The following C6 variants were observed in gnomAD, a reference collection of about 807,000 sequenced individuals.
The protein encoded by C6 is complement C6.
Under a neutral mutation model 112.9 loss-of-function variants are expected in C6, and 101 were observed. The observed-to-expected ratio is 0.89, with a 90% CI of 0.76 to 1.06. The LOEUF (loss-of-function observed/expected upper bound fraction) is 1.06, where lower values mean the gene tolerates loss of function less well. Among genes scored for constraint, C6 ranks in the 50% least tolerant of loss-of-function variants. C6 has a pLI of 0.00. For synonymous variants in C6, 431 were observed against 384.1 expected, an observed-to-expected ratio of 1.12 and a Z score of -1.43; for missense variants, 1,202 against 1,104.6, an observed-to-expected ratio of 1.09 and a Z score of -1.25.
intron 1 of C6, among the ~76,000 whole-genome samples, chr5:41,209,331 C>T (rs1388885369): frequency 6.6e-6 from 1 of 152,186 alleles, no homozygotes; most frequent in African/African-American, 2.4e-5. Flanking sequence ...TTCCCTCTTT[C>T]ACCACCCCTA....
At chr5:41,229,769 T>TG (rs1402262698) in intron 1 of C6, among the ~76,000 whole-genome samples, 1 of 152,140 alleles carries the variant, frequency 6.6e-6, no homozygotes, top group Non-Finnish European at 1.5e-5. Context: ...CTGTTAACAG[T>TG]GGGGTATTAA....
chr5:41,199,540 G>A (rs1750852064), intron 4 of C6, among the ~76,000 whole-genome samples: 1 of 152,012 alleles, frequency 6.6e-6, no homozygotes, highest in African/African-American at 2.4e-5. Context: ...AAATTATCCT[G>A]ATTATAGATT....
intron 14 of C6, 92 bp from the exon 15 acceptor site, chr5:41,154,090 T>C: frequency 9.9e-7 from 1 of 1,006,520 alleles, no homozygotes; most frequent in Admixed American, 1.9e-5. Flanking sequence ...GTGATTTTGA[T>C]GAGATTTACT....
At chr5:41,200,626 C>T (rs1750937574) in intron 3 of C6, among the ~76,000 whole-genome samples, 1 of 152,140 alleles carries the variant, frequency 6.6e-6, no homozygotes, top group African/African-American at 2.4e-5. Flanking sequence ...AGTAGCTGTT[C>T]CACAAATGAG....
chr5:41,199,423 C>G (rs762890069), intron 4 of C6, among the ~76,000 whole-genome samples: 4 of 152,132 alleles, frequency 2.6e-5, no homozygotes, highest in Non-Finnish European at 5.9e-5. Flanking sequence ...TAGAGCCAGT[C>G]AAGAAAGTTT....
intron 1 of C6, among the ~76,000 whole-genome samples, chr5:41,247,952 A>G (rs1741124183): frequency 6.6e-6 from 1 of 152,196 alleles, no homozygotes; most frequent in African/African-American, 2.4e-5. Flanking sequence ...TATAGTAACC[A>G]GAAAAGCATG....
chr5:41,169,703 G>C (rs1383448871), intron 9 of C6, among the ~76,000 whole-genome samples: 2 of 151,994 alleles, frequency 1.3e-5, no homozygotes, highest in Non-Finnish European at 2.9e-5. Flanking sequence ...GAGGGTGAAG[G>C]GGAAAGTGCT....
intron 1 of C6, among the ~76,000 whole-genome samples, chr5:41,248,607 T>A (rs1026790084): frequency 2.6e-5 from 4 of 152,002 alleles, no homozygotes; most frequent in African/African-American, 9.7e-5. Context: ...CAAATGCAAA[T>A]CAAAACCACA....
At chr5:41,150,084 G>T in intron 15 of C6, 59 bp from the exon 16 acceptor site, 3 of 1,087,512 alleles carry the variant, frequency 2.8e-6, no homozygotes, top group Non-Finnish European at 2.9e-6. Context: ...TAAGTGATAA[G>T]CTTGAATTCA....
intron 4 of C6, 35 bp from the exon 5 acceptor site, chr5:41,195,968 A>C: frequency 6.2e-7 from 1 of 1,611,590 alleles, no homozygotes; most frequent in Non-Finnish European, 8.5e-7. Flanking sequence ...CAATGCAACA[A>C]ATTATCATTT....
At chr5:41,221,106 A>C (rs1024692634) in intron 1 of C6, among the ~76,000 whole-genome samples, 1 of 151,260 alleles carries the variant, frequency 6.6e-6, no homozygotes, top group African/African-American at 2.4e-5. Flanking sequence ...CCAGCCCTGC[A>C]GTTTTCTTTC....
At chr5:41,246,576 T>G (rs897191980) in intron 1 of C6, among the ~76,000 whole-genome samples, 1 of 152,218 alleles carries the variant, frequency 6.6e-6, no homozygotes, top group African/African-American at 2.4e-5. Context: ...CATAGGTGAC[T>G]CATTGGGCCA....
chr5:41,156,108 T>G (rs1474732630), intron 13 of C6, among the ~76,000 whole-genome samples: 3 of 152,084 alleles, frequency 2.0e-5, no homozygotes, highest in Non-Finnish European at 4.4e-5. Context: ...TAACTTACTT[T>G]ACCACCCTCA....
At chr5:41,226,271 C>A (rs921799807) in intron 1 of C6, among the ~76,000 whole-genome samples, 1 of 152,044 alleles carries the variant, frequency 6.6e-6, no homozygotes, top group Non-Finnish European at 1.5e-5. Context: ...AAACAAACAA[C>A]CCCATTAAAA....
chr5:41,152,384 G>A (rs1031887427), intron 15 of C6, among the ~76,000 whole-genome samples: 1 of 152,020 alleles, frequency 6.6e-6, no homozygotes, highest in Non-Finnish European at 1.5e-5. Context: ...ACCTGAAGCC[G>A]AACTCCTCAG....
intron 1 of C6, among the ~76,000 whole-genome samples, chr5:41,239,490 G>A (rs1740560683): frequency 6.6e-6 from 1 of 152,026 alleles, no homozygotes; most frequent in South Asian, 2.1e-4. Flanking sequence ...ATACATTGTT[G>A]TTAACTATAG....
chr5:41,240,964 G>A (rs1226477598), intron 1 of C6, among the ~76,000 whole-genome samples: 1 of 152,174 alleles, frequency 6.6e-6, no homozygotes, highest in Non-Finnish European at 1.5e-5. Flanking sequence ...AGCCCCTGAT[G>A]CTATGTGTGT....
At chr5:41,163,499 G>C (rs148411766) in intron 9 of C6, among the ~76,000 whole-genome samples, 1 of 152,070 alleles carries the variant, frequency 6.6e-6, no homozygotes, top group African/African-American at 2.4e-5. Flanking sequence ...TTTTAGTAGA[G>C]ACAGGGTTTC....
chr5:41,154,120 G>A, intron 14 of C6, 122 bp from the exon 15 acceptor site: 1 of 796,404 alleles, frequency 1.3e-6, no homozygotes, highest in Non-Finnish European at 2.1e-6. Context: ...CAGCTTTGGT[G>A]CCTCCTTTTG....
Sources: allele counts gnomAD v4.1 joint callset (sites outside exome capture counted in the v4.1 genomes callset), GRCh38; gene constraint gnomAD v4.1.1; transcripts MANE v1.5; gene names NCBI Gene and HGNC (gene_info 2026-07-23, HGNC 2026-07-21).